XDH: variants seen among roughly 807,000 people sequenced by gnomAD.
The protein encoded by XDH is xanthine dehydrogenase.
A neutral mutation model predicts 156.1 loss-of-function variants in XDH; 138 were observed. The ratio of observed to expected loss-of-function variants is 0.88; its 90% confidence interval spans 0.77 to 1.02. The LOEUF is 1.02. Among genes scored for constraint, XDH ranks in the 50% least tolerant of loss-of-function variants. The pLI, the probability that XDH is intolerant of heterozygous loss-of-function variation, is 0.00. For synonymous variants in XDH, 669 were observed against 625.7 expected, an observed-to-expected ratio of 1.07 and a Z score of -1.03; for missense variants, 1,849 against 1,684.9, an observed-to-expected ratio of 1.10 and a Z score of -1.71.
chr2:31,347,706 G>A, intron 28 of XDH, 56 bp from the exon 29 acceptor site: 1 of 1,590,516 alleles, frequency 6.3e-7, no homozygotes, highest in Non-Finnish European at 8.6e-7. Flanking sequence ...GGGCTTGGCT[G>A]CCTTCTCCCC....
chr2:31,350,705 C>T (rs535893091), intron 24 of XDH, among the ~76,000 whole-genome samples: 42 of 152,242 alleles, frequency 2.8e-4, no homozygotes, highest in Middle Eastern at 3.4e-3. Context: ...ACCCACTAGT[C>T]CCCTCATTCA....
rs45467192 is a variant in XDH at position 31,365,354 on chromosome 2, T to C, written c.2544+103A>G. On this transcript the variant is annotated intron_variant, in intron 23 of 35. Transcript: ENST00000379416. ...TATATCTTATTTGAACTTCTACAGA[T>C]AGGCAAAAAGTAGGAGTGCAGCTCA... 6.9e-3 allele frequency: 8,424 copies of C among 1,228,338 alleles called. 393 individuals are homozygous for C. In the African/African-American group the frequency reaches 0.11, roughly 15 times the overall value. 76.1% of individuals were successfully genotyped at this position (1,228,338 alleles called of 1,614,324 possible).
chr2:31,364,458 C>T (rs1466313606), intron 23 of XDH, among the ~76,000 whole-genome samples: 2 of 151,972 alleles, frequency 1.3e-5, no homozygotes, highest in South Asian at 2.1e-4. Flanking sequence ...ACACTTGGCT[C>T]CCCACCCCTG....
At chr2:31,400,415 A>AT (rs1687026656) in intron 4 of XDH, among the ~76,000 whole-genome samples, 1 of 151,660 alleles carries the variant, frequency 6.6e-6, no homozygotes, top group South Asian at 2.1e-4. Context: ...ATTTTTTGGT[A>AT]TTTTTAGTAG....
Position 31,382,654 on chromosome 2 carries a change from C to G in XDH, c.1038+347G>C, listed in dbSNP as rs45622534. Among the ~76,000 whole-genome samples the G allele has an allele frequency of 2.6e-3, 402 of 152,130 alleles. 18 individuals are homozygous for G. The East Asian group carries it at 0.067, about 25-fold the overall frequency. On this transcript the variant is annotated intron_variant, in intron 11 of 35. Transcript: ENST00000379416. The stretch of plus-strand genomic sequence containing the variant: ...CTAGCATATCCATATCTCTTGTTCA[C>G]CTACTGTTTGGCTCAGCCAAGCTCA...
intron 34 of XDH, 67 bp from the exon 35 acceptor site, chr2:31,337,884 A>G: frequency 6.4e-7 from 1 of 1,564,946 alleles, no homozygotes; most frequent in Non-Finnish European, 8.7e-7. Context: ...CATCAAGTGG[A>G]CCTAGGAGGC....
At chr2:31,346,563 C>G (rs377635816) in intron 30 of XDH, among the ~76,000 whole-genome samples, 1 of 152,186 alleles carries the variant, frequency 6.6e-6, no homozygotes, top group Non-Finnish European at 1.5e-5. Flanking sequence ...CTCAAATGAC[C>G]TCCCTCAATG....
chr2:31,360,780 T>C (rs1274625465), intron 24 of XDH, among the ~76,000 whole-genome samples: 1 of 148,620 alleles, frequency 6.7e-6, no homozygotes, highest in African/African-American at 2.6e-5. Flanking sequence ...AACAAGGGGT[T>C]CAGTACTATC....
At chr2:31,395,768 C>G (rs1329941587) in intron 6 of XDH, among the ~76,000 whole-genome samples, 1 of 152,178 alleles carries the variant, frequency 6.6e-6, no homozygotes, top group Non-Finnish European at 1.5e-5. Flanking sequence ...ATGAGTTGTC[C>G]TGTGACCTCA....
intron 11 of XDH, among the ~76,000 whole-genome samples, chr2:31,382,099 G>T (rs1686450979): frequency 6.6e-6 from 1 of 152,118 alleles, no homozygotes; most frequent in Non-Finnish European, 1.5e-5. Flanking sequence ...GAAGACTTAA[G>T]GTTGAACAAT....
intron 34 of XDH, 80 bp downstream of exon 34, chr2:31,339,409 T>C: frequency 6.3e-7 from 1 of 1,590,520 alleles, no homozygotes; most frequent in Non-Finnish European, 8.6e-7. Context: ...ACCAGGTGGG[T>C]CACTGAGGCC....
intron 17 of XDH, among the ~76,000 whole-genome samples, chr2:31,371,235 G>A (rs961392603): frequency 7.2e-5 from 11 of 152,238 alleles, no homozygotes; most frequent in Non-Finnish European, 1.6e-4. Context: ...ACATTTCAGG[G>A]AAAGGTATGT....
chr2:31,366,788 T>A (rs13387204), intron 21 of XDH, 82 bp downstream of exon 21: 1 of 1,608,216 alleles, frequency 6.2e-7, no homozygotes, highest in South Asian at 1.1e-5. Context: ...TCCCTCTTCC[T>A]ATTTCCCACA....
chr2:31,397,368 G>A (rs1359719922), intron 6 of XDH, among the ~76,000 whole-genome samples: 1 of 152,224 alleles, frequency 6.6e-6, no homozygotes, highest in Non-Finnish European at 1.5e-5. Context: ...AGGGAAAGCT[G>A]CCAAGCCCAA....
rs949041565 is a variant in XDH at position 31,334,699 on chromosome 2, G to T, written c.*1259C>A. Reference sequence around the variant, plus strand: ...TAGGCTTTTAAAGCAGAAGACGTGAGACAACCCTTTACTGCAACCCTTATG... The same window carrying T: ...TAGGCTTTTAAAGCAGAAGACGTGATACAACCCTTTACTGCAACCCTTATG... On this transcript the variant is annotated 3_prime_UTR_variant, in exon 36 of 36. Transcript: ENST00000379416. 6.6e-6 allele frequency: 1 copy of T among 152,068 alleles called. No homozygotes were observed. Among genetic ancestry groups the T allele is most frequent in the African/African-American group, 2.4e-5 (1 of 41,408 alleles). The allele number at this position is 152,068 out of a possible 1,614,324, so 9.4% of individuals were successfully genotyped here.
intron 6 of XDH, among the ~76,000 whole-genome samples, chr2:31,389,935 C>T (rs1686718625): frequency 6.6e-6 from 1 of 152,056 alleles, no homozygotes; most frequent in Non-Finnish European, 1.5e-5. Flanking sequence ...CCTATCCCAA[C>T]ATACACGCAC....
chr2:31,339,381 T>G, intron 34 of XDH, 108 bp downstream of exon 34: 1 of 1,442,628 alleles, frequency 6.9e-7, no homozygotes, highest in Non-Finnish European at 9.7e-7. Context: ...CTCCTCAAGA[T>G]ATGCCCTTTG....
chr2:31,347,769 T>C (rs1287271484), intron 28 of XDH, 119 bp from the exon 29 acceptor site: 33 of 1,314,052 alleles, frequency 2.5e-5, no homozygotes, highest in Non-Finnish European at 3.4e-5. Context: ...TCGTAAACTC[T>C]AATCTCATTG....
At chr2:31,347,679 G>A (rs559649051) in intron 28 of XDH, 29 bp from the exon 29 acceptor site, 4 of 1,608,152 alleles carry the variant, frequency 2.5e-6, no homozygotes, top group Non-Finnish European at 3.4e-6. Flanking sequence ...TTGCCCTCTA[G>A]GGAAGGGGTT....
Sources: gnomAD v4.1 joint callset for allele counts (sites outside exome capture counted in the v4.1 genomes callset) on GRCh38, gnomAD v4.1.1 for gene constraint, MANE v1.5 for transcripts, NCBI Gene and HGNC (gene_info 2026-07-23, HGNC 2026-07-21) for gene names.